The following RMST variants were observed in gnomAD, a reference collection of about 807,000 sequenced individuals.
The protein encoded by RMST is rhabdomyosarcoma 2 associated transcript.
chr12:97,528,434 T>G (rs541948572), intron 10 of RMST, among the ~76,000 whole-genome samples: 2 of 152,220 alleles, frequency 1.3e-5, no homozygotes, highest in South Asian at 4.1e-4. Context: ...GAAAAAACAT[T>G]GTGTACATAG....
chr12:97,493,522 A>G (rs1609686), intron 7 of RMST, among the ~76,000 whole-genome samples: 126,224 of 152,120 alleles, frequency 0.83, 52,720 homozygotes, highest in Middle Eastern at 0.91. Flanking sequence ...AAAATAAACC[A>G]CCAAAAATGG....
chr12:97,562,149 C>T (rs541858843), intron 13 of RMST, among the ~76,000 whole-genome samples: 1 of 152,130 alleles, frequency 6.6e-6, no homozygotes, highest in Non-Finnish European at 1.5e-5. Context: ...GCATGTGCCT[C>T]GACACTTTAA....
chr12:97,551,349 A>G (rs1024732228), intron 11 of RMST, among the ~76,000 whole-genome samples: 24 of 152,126 alleles, frequency 1.6e-4, no homozygotes, highest in Non-Finnish European at 3.2e-4. Flanking sequence ...TCTACCTGGT[A>G]GTGGCTCATA....
intron 5 of RMST, among the ~76,000 whole-genome samples, chr12:97,479,961 C>A (rs1224299686): frequency 3.9e-5 from 6 of 152,216 alleles, no homozygotes; most frequent in Non-Finnish European, 5.9e-5. Context: ...TGTGGCACTG[C>A]TGTCGACTCA....
At chr12:97,561,052 A>G (rs1203061863) in intron 13 of RMST, 3 of 152,290 alleles carry the variant, frequency 2.0e-5, no homozygotes, top group South Asian at 2.1e-4. Context: ...CATGAGGTGA[A>G]TATCTTTAGC....
chr12:97,475,584 T>TTTG (rs1201156451), intron 5 of RMST, among the ~76,000 whole-genome samples: 12 of 122,866 alleles, frequency 9.8e-5, no homozygotes, highest in Non-Finnish European at 1.8e-4. Flanking sequence ...TATCTTTTTT[T>TTTG]TTGTTTTTTT....
At chr12:97,468,189 T>C (rs532051019) in intron 5 of RMST, among the ~76,000 whole-genome samples, 43 of 152,186 alleles carry the variant, frequency 2.8e-4, no homozygotes, top group African/African-American at 1.0e-3. Flanking sequence ...TGTTTCACTA[T>C]CAGTTGGATA....
At chr12:97,526,953 C>T (rs1395498878) in intron 10 of RMST, among the ~76,000 whole-genome samples, 1 of 152,092 alleles carries the variant, frequency 6.6e-6, no homozygotes, top group African/African-American at 2.4e-5. Context: ...TGTTGTTGAA[C>T]AGATTCTTGG....
At chr12:97,488,121 A>G (rs1306058717) in intron 5 of RMST, among the ~76,000 whole-genome samples, 1 of 152,134 alleles carries the variant, frequency 6.6e-6, no homozygotes, top group African/African-American at 2.4e-5. Context: ...ACAGTGGGTC[A>G]CACATGTAAT....
chr12:97,512,031 G>C (rs1592711471), intron 10 of RMST, among the ~76,000 whole-genome samples: 1 of 152,288 alleles, frequency 6.6e-6, no homozygotes, highest in East Asian at 1.9e-4. Flanking sequence ...AAGGTGGCGT[G>C]TCCAGAGTTT....
chr12:97,471,401 C>T (rs1873895964), intron 5 of RMST, among the ~76,000 whole-genome samples: 1 of 152,116 alleles, frequency 6.6e-6, no homozygotes, highest in African/African-American at 2.4e-5. Flanking sequence ...GAATTCCTAC[C>T]TGCTAGTGGA....
At chr12:97,532,155 G>T (rs951949522) in intron 11 of RMST, among the ~76,000 whole-genome samples, 1 of 151,914 alleles carries the variant, frequency 6.6e-6, no homozygotes, top group Non-Finnish European at 1.5e-5. Context: ...TGAAAGTGGA[G>T]ATTTAAATCA....
At chr12:97,515,014 A>G (rs746491600) in intron 10 of RMST, among the ~76,000 whole-genome samples, 7 of 152,194 alleles carry the variant, frequency 4.6e-5, no homozygotes, top group Non-Finnish European at 1.0e-4. Flanking sequence ...AAGCTATGAT[A>G]TTGATCTCTG....
intron 11 of RMST, among the ~76,000 whole-genome samples, chr12:97,550,961 GACA>G (rs1415747781): frequency 1.3e-5 from 2 of 152,032 alleles, no homozygotes; most frequent in Non-Finnish European, 2.9e-5. Flanking sequence ...CAGAAAAGTG[GACA>G]ACATTATCAC....
At chr12:97,518,899 A>T (rs1238839394) in intron 10 of RMST, among the ~76,000 whole-genome samples, 1 of 152,038 alleles carries the variant, frequency 6.6e-6, no homozygotes, top group Non-Finnish European at 1.5e-5. Context: ...CTTCCAGAGT[A>T]GCTGAGACTA....
At chr12:97,542,360 A>C (rs1882607507) in intron 11 of RMST, among the ~76,000 whole-genome samples, 1 of 151,940 alleles carries the variant, frequency 6.6e-6, no homozygotes, top group Non-Finnish European at 1.5e-5. Flanking sequence ...TGAAGCAACT[A>C]GATAATTTTA....
intron 5 of RMST, among the ~76,000 whole-genome samples, chr12:97,468,737 C>T (rs1020782905): frequency 7.9e-5 from 12 of 151,792 alleles, no homozygotes; most frequent in Non-Finnish European, 1.8e-4. Context: ...TGCAGAATTT[C>T]CAGAAAATAT....
chr12:97,531,437 T>A (rs564998430), intron 11 of RMST, among the ~76,000 whole-genome samples: 41 of 152,192 alleles, frequency 2.7e-4, no homozygotes, highest in African/African-American at 9.1e-4. Flanking sequence ...AGTCTGGTCA[T>A]AGACTATTTA....
chr12:97,524,710 GTAT>G (rs1880911479), intron 10 of RMST, among the ~76,000 whole-genome samples: 1 of 152,150 alleles, frequency 6.6e-6, no homozygotes. Context: ...CTAGCCTCAG[GTAT>G]GCCCAAGGTA....
Sources: allele counts gnomAD v4.1 joint callset (sites outside exome capture counted in the v4.1 genomes callset), GRCh38; gene constraint gnomAD v4.1.1; transcripts MANE v1.5; gene names NCBI Gene and HGNC (gene_info 2026-07-23, HGNC 2026-07-21).